The following CCDC73 variants were observed in gnomAD, a reference collection of about 807,000 sequenced individuals.
CCDC73 encodes coiled-coil domain containing 73, also known as coiled-coil domain-containing protein 73.
In CCDC73, 95 loss-of-function variants were observed where a neutral mutation model predicts 116.5. The ratio of observed to expected loss-of-function variants is 0.82; its 90% CI spans 0.69 to 0.97. The LOEUF (loss-of-function observed/expected upper bound fraction) is 0.97, where lower values mean the gene tolerates loss of function less well. Among genes scored for constraint, CCDC73 ranks in the 50% least tolerant of loss-of-function variants. The pLI, the probability that CCDC73 is intolerant of heterozygous loss-of-function variation, is 0.00. For synonymous variants in CCDC73, 398 were observed against 401.3 expected (o/e 0.99, Z 0.10); for missense variants, 1,066 against 1,206.8 (o/e 0.88, Z 1.73).
At chr11:32,808,300 A>C in the CCDC73 span, among the ~76,000 whole-genome samples, 1 of 152,228 alleles carries the variant, frequency 6.6e-6, no homozygotes, top group Non-Finnish European at 1.5e-5. Context: ...CTATGCTGAT[A>C]ATTTAGCATG....
At chr11:32,685,396 G>A (rs1029207944) in intron 6 of CCDC73, among the ~76,000 whole-genome samples, 1 of 151,846 alleles carries the variant, frequency 6.6e-6, no homozygotes, top group East Asian at 1.9e-4. Context: ...CAGGGAAGAC[G>A]ATTACACAGG....
chr11:32,613,159 C>G (rs2133219510), intron 16 of CCDC73, among the ~76,000 whole-genome samples: 1 of 152,072 alleles, frequency 6.6e-6, no homozygotes, highest in East Asian at 1.9e-4. Context: ...AGGAGAGAAA[C>G]TAAAATGTTC....
At chr11:32,705,322 T>C (rs1056336763) in intron 3 of CCDC73, among the ~76,000 whole-genome samples, 2 of 152,174 alleles carry the variant, frequency 1.3e-5, no homozygotes, top group African/African-American at 2.4e-5. Context: ...CTGTGAGTAG[T>C]GGTAACACCC....
intron 1 of CCDC73, among the ~76,000 whole-genome samples, chr11:32,791,742 C>T (rs781216683): frequency 3.3e-4 from 50 of 152,178 alleles, no homozygotes; most frequent in Non-Finnish European, 5.4e-4. Context: ...TGCTCGAGCT[C>T]AGGAGCTCAA....
In CCDC73 at chr11:32,715,498, G is replaced by GCACA. The variant is rs35260107; in HGVS notation, c.207+2574_207+2577dup. ...AACAAAAGGAAAAACTGATACACACGCACACACACACACACACACACACCA... is the reference window on the plus strand; with the variant it reads ...AACAAAAGGAAAAACTGATACACACGCACACACACACACACACACACACACACCA... On this transcript the variant is annotated intron_variant, in intron 3 of 17. Transcript: ENST00000335185. Among the ~76,000 whole-genome samples the GCACA allele has an allele frequency of 6.0e-3, 886 of 148,478 alleles. 6 individuals are homozygous for GCACA. Among genetic ancestry groups the GCACA allele is most frequent in the East Asian group, 0.016 (83 of 5,070 alleles).
chr11:32,783,570 T>C (rs59671737), intron 1 of CCDC73, among the ~76,000 whole-genome samples: 2,582 of 152,266 alleles, frequency 0.017, 76 homozygotes, highest in African/African-American at 0.057. Context: ...TCTGGTGAGG[T>C]CCTGCTTCCT....
chr11:32,723,458 C>T (rs1191999556), intron 2 of CCDC73, among the ~76,000 whole-genome samples: 2 of 152,154 alleles, frequency 1.3e-5, no homozygotes, highest in Non-Finnish European at 2.9e-5. Context: ...TCTTAGACAA[C>T]ATGAGAAACT....
chr11:32,724,126 T>C (rs533525233), intron 2 of CCDC73, among the ~76,000 whole-genome samples: 1 of 152,238 alleles, frequency 6.6e-6, no homozygotes, highest in South Asian at 2.1e-4. Context: ...CATACCATTT[T>C]TAATTTTATG....
At chr11:32,617,490 T>C (rs1301826326) in intron 14 of CCDC73, among the ~76,000 whole-genome samples, 2 of 152,158 alleles carry the variant, frequency 1.3e-5, no homozygotes, top group Non-Finnish European at 2.9e-5. Flanking sequence ...AAGTTGCACC[T>C]AGAAGTCTGA....
intron 2 of CCDC73, among the ~76,000 whole-genome samples, chr11:32,750,363 T>C (rs1850276700): frequency 6.6e-6 from 1 of 152,086 alleles, no homozygotes; most frequent in Non-Finnish European, 1.5e-5. Flanking sequence ...CAGTGTGCAC[T>C]CAAGGCCTTA....
intron 3 of CCDC73, among the ~76,000 whole-genome samples, chr11:32,703,455 A>G (rs1202690578): frequency 6.6e-6 from 1 of 151,394 alleles, no homozygotes; most frequent in Non-Finnish European, 1.5e-5. Flanking sequence ...TGCTTTTTTC[A>G]TGAAAAAAAA....
chr11:32,778,200 T>C (rs1279242515), intron 1 of CCDC73, among the ~76,000 whole-genome samples: 1 of 152,198 alleles, frequency 6.6e-6, no homozygotes, highest in African/African-American at 2.4e-5. Context: ...TTGTTAGAAA[T>C]GCACATTCTC....
At chr11:32,682,372 C>A (rs1856153150) in intron 7 of CCDC73, 1 of 151,860 alleles carries the variant, frequency 6.6e-6, no homozygotes. Context: ...TTAAAATAGT[C>A]TGACAATATT....
intron 12 of CCDC73, among the ~76,000 whole-genome samples, chr11:32,648,643 C>T (rs1200085415): frequency 6.6e-6 from 1 of 152,072 alleles, no homozygotes; most frequent in African/African-American, 2.4e-5. Flanking sequence ...CCTCTGCCTC[C>T]CAGGTTCAAG....
chr11:32,606,837 G>C (rs1183556574), intron 17 of CCDC73, among the ~76,000 whole-genome samples: 3 of 108,120 alleles, frequency 2.8e-5, no homozygotes, highest in Non-Finnish European at 5.2e-5. Context: ...TTGAGACACT[G>C]TCTCACTCTG....
At chr11:32,778,566 C>CT (rs1453659524) in intron 1 of CCDC73, among the ~76,000 whole-genome samples, 1 of 152,060 alleles carries the variant, frequency 6.6e-6, no homozygotes, top group Non-Finnish European at 1.5e-5. Context: ...AATCCCAGCA[C>CT]TTTGGGAGGC....
At chr11:32,611,287 G>T in intron 16 of CCDC73, 22 bp from the exon 17 acceptor site, 1 of 1,601,916 alleles carries the variant, frequency 6.2e-7, no homozygotes, top group Non-Finnish European at 8.5e-7. Flanking sequence ...AGAGGAAATG[G>T]CAACAACTGA....
intron 14 of CCDC73, 51 bp from the exon 15 acceptor site, chr11:32,616,180 A>G (rs759189632): frequency 6.7e-7 from 1 of 1,484,454 alleles, no homozygotes; most frequent in Non-Finnish European, 9.0e-7. Context: ...ACAAGTATAA[A>G]ACATTTGAGC....
upstream of CCDC73, among the ~76,000 whole-genome samples, chr11:32,795,290 G>A (rs916707735): frequency 2.0e-5 from 3 of 151,898 alleles, no homozygotes; most frequent in Non-Finnish European, 2.9e-5. Flanking sequence ...GCAACATGGT[G>A]AGACCCCCGT....
Sources: gnomAD v4.1 joint callset for allele counts (sites outside exome capture counted in the v4.1 genomes callset) on GRCh38, gnomAD v4.1.1 for gene constraint, MANE v1.5 for transcripts, NCBI Gene and HGNC (gene_info 2026-07-23, HGNC 2026-07-21) for gene names.